The following IPCEF1 variants were observed in gnomAD, a reference collection of about 807,000 sequenced individuals.
IPCEF1 encodes the protein interaction protein for cytohesin exchange factors 1.
Under a neutral mutation model 50.9 loss-of-function variants are expected in IPCEF1, and 31 were observed. The ratio of observed to expected loss-of-function variants is 0.61; its 90% CI spans 0.46 to 0.82. The LOEUF (loss-of-function observed/expected upper bound fraction) is 0.82, where lower values mean the gene tolerates loss of function less well. Ranked by LOEUF, IPCEF1 falls within the 40% of genes least tolerant of loss-of-function variation. The probability of loss-of-function intolerance (pLI) is 0.00; values close to 1 mark genes in which losing one functional copy is unlikely to be tolerated. For synonymous variants in IPCEF1, 181 were observed against 192.0 expected, an observed-to-expected ratio of 0.94 and a Z score of 0.47; for missense variants, 458 against 514.0, an observed-to-expected ratio of 0.89 and a Z score of 1.05.
At chr6:154,321,830 T>C (rs1783389475) in intron 1 of IPCEF1, among the ~76,000 whole-genome samples, 1 of 145,268 alleles carries the variant, frequency 6.9e-6, no homozygotes, top group Non-Finnish European at 1.5e-5. Flanking sequence ...CAAAAGCTTT[T>C]AGAAGGTAGA....
intron 1 of IPCEF1, among the ~76,000 whole-genome samples, chr6:154,302,775 C>T (rs141058525): frequency 6.6e-6 from 1 of 151,956 alleles, no homozygotes; most frequent in African/African-American, 2.4e-5. Flanking sequence ...GTGCCTGGCC[C>T]AAGTCTCAGA....
At chr6:154,259,205 G>GTTGA (rs1359520227) in intron 3 of IPCEF1, among the ~76,000 whole-genome samples, 1 of 152,218 alleles carries the variant, frequency 6.6e-6, no homozygotes, top group East Asian at 1.9e-4. Context: ...CACAGGAAGA[G>GTTGA]TTGACTCTTG....
chr6:154,223,226 T>G lies in IPCEF1; in HGVS notation c.264A>C (p.Gly88=), dbSNP rs370228263. 2 of 1,613,192 alleles carry G rather than the reference T, an allele frequency of 1.2e-6. No individual in the cohort carries two copies. Among genetic ancestry groups the G allele is most frequent in the African/African-American group, 2.7e-5 (2 of 74,894 alleles). ...YSNQMAEKAD[G]FVNLPDFTVE... Reference sequence around the variant, plus strand: ...CAGTGAAATCAGGCAGGTTGACAAATCCATCAGCTTTCTCTGCCTGAAACA... The same window carrying G: ...CAGTGAAATCAGGCAGGTTGACAAAGCCATCAGCTTTCTCTGCCTGAAACA... Residue 88 remains glycine (G), a synonymous_variant, in exon 6 of 12, where the codon GGA becomes GGC. Transcript: ENST00000367220.
chr6:154,316,000 C>T (rs1268110203), intron 1 of IPCEF1, among the ~76,000 whole-genome samples: 1 of 152,074 alleles, frequency 6.6e-6, no homozygotes, highest in Non-Finnish European at 1.5e-5. Flanking sequence ...GCTGCGAGTA[C>T]AGGCATGAAC....
chr6:154,349,644 TA>T (rs1784090001), intron 1 of IPCEF1, among the ~76,000 whole-genome samples: 2 of 152,144 alleles, frequency 1.3e-5, no homozygotes, highest in South Asian at 4.1e-4. Flanking sequence ...TATAAGTAGT[TA>T]AATGTTCTAT....
chr6:154,281,905 G>A (rs1352180996), intron 2 of IPCEF1, among the ~76,000 whole-genome samples: 2 of 152,200 alleles, frequency 1.3e-5, no homozygotes, highest in African/African-American at 4.8e-5. Context: ...GTGGGAGGCT[G>A]AGACAGGAGA....
chr6:154,283,892 G>A (rs535983972), intron 2 of IPCEF1, among the ~76,000 whole-genome samples: 32 of 152,114 alleles, frequency 2.1e-4, no homozygotes, highest in Non-Finnish European at 2.8e-4. Context: ...TGTGCCCTAC[G>A]TGAAAACATT....
At chr6:154,246,881 G>C in intron 4 of IPCEF1, 121 bp from the exon 5 acceptor site, 10 of 1,031,060 alleles carry the variant, frequency 9.7e-6, no homozygotes, top group Non-Finnish European at 1.2e-5. Context: ...CGGGGAGCTG[G>C]ATTTTTCACC....
intron 1 of IPCEF1, among the ~76,000 whole-genome samples, chr6:154,307,358 G>A (rs889890081): frequency 3.3e-5 from 5 of 152,292 alleles, no homozygotes; most frequent in African/African-American, 1.2e-4. Context: ...CATGTAAGAC[G>A]TGACTTGCTC....
At chr6:154,296,667 A>T (rs538426951) in intron 1 of IPCEF1, among the ~76,000 whole-genome samples, 1 of 152,030 alleles carries the variant, frequency 6.6e-6, no homozygotes, top group Admixed American at 6.6e-5. Flanking sequence ...ATCTCTACTA[A>T]AAATACAAAA....
intron 1 of IPCEF1, among the ~76,000 whole-genome samples, chr6:154,313,900 C>T (rs1024089992): frequency 1.3e-5 from 2 of 152,022 alleles, no homozygotes; most frequent in African/African-American, 4.8e-5. Context: ...TGTGCCACCA[C>T]ACCTGGCTAA....
At chr6:154,276,855 A>G (rs1238689857) in intron 2 of IPCEF1, among the ~76,000 whole-genome samples, 2 of 152,226 alleles carry the variant, frequency 1.3e-5, no homozygotes, top group Non-Finnish European at 2.9e-5. Context: ...GTTGACTTAT[A>G]TTGGCCCTGC....
intron 10 of IPCEF1, among the ~76,000 whole-genome samples, chr6:154,194,812 G>A (rs959784879): frequency 6.6e-6 from 1 of 152,144 alleles, no homozygotes; most frequent in African/African-American, 2.4e-5. Flanking sequence ...ACCTGACACA[G>A]GATCAGAGAA....
At chr6:154,338,903 A>C (rs997555255) in intron 1 of IPCEF1, among the ~76,000 whole-genome samples, 13 of 152,130 alleles carry the variant, frequency 8.5e-5, no homozygotes, top group African/African-American at 3.1e-4. Context: ...GCAACACTGC[A>C]CTCCAGCCCG....
intron 10 of IPCEF1, among the ~76,000 whole-genome samples, chr6:154,181,722 AG>A (rs961097695): frequency 2.0e-5 from 3 of 152,208 alleles, no homozygotes; most frequent in Admixed American, 6.5e-5. Flanking sequence ...CTGTCTCCAC[AG>A]GGCCGCAGGG....
At chr6:154,322,277 G>A (rs964367845) in intron 1 of IPCEF1, among the ~76,000 whole-genome samples, 3 of 152,180 alleles carry the variant, frequency 2.0e-5, no homozygotes, top group Admixed American at 2.0e-4. Flanking sequence ...AGCATTTTGG[G>A]AGGCTGAGGC....
intron 6 of IPCEF1, among the ~76,000 whole-genome samples, chr6:154,221,559 G>T (rs530036975): frequency 6.6e-6 from 1 of 152,132 alleles, no homozygotes; most frequent in African/African-American, 2.4e-5. Flanking sequence ...AGTCTTAGCT[G>T]GTCAGTAGTT....
At chr6:154,281,366 A>C (rs573673055) in intron 2 of IPCEF1, among the ~76,000 whole-genome samples, 1 of 149,124 alleles carries the variant, frequency 6.7e-6, no homozygotes, top group Non-Finnish European at 1.5e-5. Context: ...AAAAAAAAAA[A>C]TTTTTTTTAA....
Position 154,212,854 on chromosome 6 carries a change from T to C in IPCEF1, c.453A>G (p.Glu151=), listed in dbSNP as rs141919748. ...IHQESTTKDE[E]CYSESEQEDP... ...CTTCCTGTTCACTTTCACTGTAACA[T>C]TCTATAACAAAAATGAAAATGCTTA... Residue 151 remains glutamate, a splice_region_variant and synonymous_variant, in exon 9 of 12, where the codon GAA becomes GAG. Transcript: ENST00000367220. 2.5e-6 allele frequency: 4 copies of C among 1,606,294 alleles called. No individual in the cohort carries two copies. The highest frequency in any genetic ancestry group is 3.4e-6 in the Non-Finnish European group (4 of 1,173,022).
Sources: allele counts gnomAD v4.1 joint callset (sites outside exome capture counted in the v4.1 genomes callset), GRCh38; gene constraint gnomAD v4.1.1; transcripts MANE v1.5; gene names NCBI Gene and HGNC (gene_info 2026-07-23, HGNC 2026-07-21).